Variants in STXBP5 observed in about 807,000 individuals in gnomAD.
The protein encoded by STXBP5 is syntaxin-binding protein 5.
A neutral mutation model predicts 152.4 loss-of-function variants in STXBP5; 50 were observed. That is an observed-to-expected ratio of 0.33 (90% CI 0.26 to 0.42). The LOEUF is 0.42. Ranked by LOEUF, STXBP5 falls within the 10% of genes least tolerant of loss-of-function variation. The pLI is 1.00. For synonymous variants in STXBP5, 492 were observed against 494.7 expected (o/e 0.99, Z 0.07); for missense variants, 1,167 against 1,388.6 (o/e 0.84, Z 2.54).
At chr6:147,348,698 T>C (rs1784450791) in intron 21 of STXBP5, among the ~76,000 whole-genome samples, 1 of 152,154 alleles carries the variant, frequency 6.6e-6, no homozygotes, top group African/African-American at 2.4e-5. Context: ...TAAAACTCTA[T>C]CCTAAGGAAA....
intron 15 of STXBP5, among the ~76,000 whole-genome samples, 195 bp downstream of exon 15, chr6:147,315,930 A>C (rs1782620469): frequency 6.6e-6 from 1 of 152,152 alleles, no homozygotes; most frequent in South Asian, 2.1e-4. Context: ...TAAATCCTTA[A>C]GTATAGGATA....
At chr6:147,255,287 G>C (rs2502732) in intron 4 of STXBP5, among the ~76,000 whole-genome samples, 79,455 of 151,944 alleles carry the variant, frequency 0.52, 21,331 homozygotes, top group East Asian at 0.72. Flanking sequence ...AAGTGAACAT[G>C]ATACGCTGAG....
At chr6:147,296,022 T>C (rs1162409166) in intron 9 of STXBP5, among the ~76,000 whole-genome samples, 2 of 151,978 alleles carry the variant, frequency 1.3e-5, no homozygotes, top group African/African-American at 4.8e-5. Context: ...CCAGGAACAG[T>C]TGTGGCTCTG....
intron 4 of STXBP5, among the ~76,000 whole-genome samples, chr6:147,259,276 A>T (rs773341883): frequency 5.1e-4 from 77 of 152,174 alleles, no homozygotes; most frequent in Non-Finnish European, 3.8e-4. Context: ...CAGTCATGTA[A>T]GTTAGTTTTA....
chr6:147,282,117 C>T (rs1439964238), intron 8 of STXBP5, among the ~76,000 whole-genome samples: 1 of 152,070 alleles, frequency 6.6e-6, no homozygotes, highest in Non-Finnish European at 1.5e-5. Context: ...ATATATGGCT[C>T]TAGGAAGTGT....
chr6:147,329,460 TCCC>T (rs960326175), intron 18 of STXBP5, among the ~76,000 whole-genome samples: 1 of 150,306 alleles, frequency 6.7e-6, no homozygotes, highest in Admixed American at 6.6e-5. Flanking sequence ...CTGACTCTGA[TCCC>T]CCCAAATTTA....
chr6:147,311,432 A>G, intron 10 of STXBP5, 23 bp from the exon 11 acceptor site: 1 of 1,601,816 alleles, frequency 6.2e-7, no homozygotes, highest in Non-Finnish European at 8.5e-7. Context: ...TGAAACTATA[A>G]TTCATGCATT....
chr6:147,285,685 A>G (rs1294731413), intron 8 of STXBP5, among the ~76,000 whole-genome samples: 3 of 152,136 alleles, frequency 2.0e-5, no homozygotes, highest in African/African-American at 7.2e-5. Context: ...GAGCAATATC[A>G]AGGGACTATT....
At position 147,288,287 on chromosome 6, in the gene STXBP5, A is replaced by G. The variant is rs560591895; in HGVS notation, c.839-2807A>G. On this transcript the variant is annotated intron_variant, in intron 8 of 27. Coordinates refer to ENST00000321680, the MANE Select transcript of STXBP5 (RefSeq NM_001127715.4). ...GAGTTCCAGGGAGCTGCAGGTTCAC[A>G]CAAAATGTTGATTGTGCTGTAGCAA... Among the ~76,000 whole-genome samples the G allele has an allele frequency of 1.2e-3, 177 of 152,306 alleles. 2 individuals carry two copies. The highest frequency in any genetic ancestry group is 1.3e-3 in the Non-Finnish European group (90 of 68,026).
intron 27 of STXBP5, among the ~76,000 whole-genome samples, chr6:147,384,502 T>C (rs1404971803): frequency 6.6e-6 from 1 of 152,170 alleles, no homozygotes; most frequent in Non-Finnish European, 1.5e-5. Flanking sequence ...CTAAGAAATC[T>C]GTGGAACTTC....
intron 26 of STXBP5, among the ~76,000 whole-genome samples, chr6:147,376,940 G>T (rs1019722691): frequency 3.3e-5 from 5 of 152,160 alleles, no homozygotes; most frequent in African/African-American, 9.6e-5. Context: ...GAATCAGCTG[G>T]TATAACTATA....
In STXBP5 at chr6:147,354,034, C is replaced by T. The variant is rs373399724; in HGVS notation, c.2305+661C>T. Among the ~76,000 whole-genome samples, 10 of 152,098 alleles carry T rather than the reference C, an allele frequency of 6.6e-5. No individual in the cohort carries two copies. The East Asian group carries it at 1.9e-3, about 29-fold the overall frequency. On this transcript the variant is annotated intron_variant, in intron 22 of 27. Coordinates refer to ENST00000321680, the MANE Select transcript of STXBP5 (RefSeq NM_001127715.4). The stretch of plus-strand genomic sequence containing the variant: ...ATAAAACATGGTATCTTTTTAAACT[C>T]ATTTTTTATTTAAGAAATTTCTGTT...
At chr6:147,310,004 C>A in intron 9 of STXBP5, 80 bp from the exon 10 acceptor site, 2 of 1,013,510 alleles carry the variant, frequency 2.0e-6, no homozygotes, top group Non-Finnish European at 2.7e-6. Flanking sequence ...TGTTATTTCA[C>A]TAAATTAAAA....
chr6:147,359,339 G>A lies in STXBP5; in HGVS notation c.2545+16G>A, dbSNP rs377085968. 1.2e-5 allele frequency: 20 copies of A among 1,604,038 alleles called. No homozygotes were observed. The highest frequency in any genetic ancestry group is 1.7e-5 in the Non-Finnish European group (20 of 1,172,476). ...TCTCCAAGTGGTATGTATTGCTGCT[G>A]CACTTAGAGTTACATTACAGGTGTG... On this transcript the variant is annotated intron_variant, in intron 23 of 27. Transcript: ENST00000321680.
chr6:147,243,719 A>G (rs1778660027), intron 4 of STXBP5, among the ~76,000 whole-genome samples: 1 of 152,106 alleles, frequency 6.6e-6, no homozygotes, highest in Non-Finnish European at 1.5e-5. Flanking sequence ...TGCATTTTAC[A>G]TTTAGATCTG....
intron 21 of STXBP5, among the ~76,000 whole-genome samples, chr6:147,345,190 CATTT>C (rs1177924549): frequency 1.3e-5 from 2 of 152,140 alleles, no homozygotes; most frequent in Non-Finnish European, 2.9e-5. Context: ...AGTTTTGGTT[CATTT>C]ATTCATTGCA....
At chr6:147,356,175 C>T (rs527527844) in intron 22 of STXBP5, among the ~76,000 whole-genome samples, 1 of 152,152 alleles carries the variant, frequency 6.6e-6, no homozygotes, top group Non-Finnish European at 1.5e-5. Flanking sequence ...AAACATTGCT[C>T]ATTTGACCTA....
chr6:147,384,150 A>G (rs1056471129), intron 27 of STXBP5, among the ~76,000 whole-genome samples: 1 of 152,156 alleles, frequency 6.6e-6, no homozygotes, highest in African/African-American at 2.4e-5. Context: ...ACATTGAGGT[A>G]GTTACAATCA....
intron 6 of STXBP5, among the ~76,000 whole-genome samples, chr6:147,263,342 C>CTTTTTTTTTTTTTTTTTTTT (rs1029110765): frequency 6.2e-5 from 8 of 128,822 alleles, no homozygotes; most frequent in South Asian, 5.0e-4. Flanking sequence ...TTCTTTCTTT[C>CTTTTTTTTTTTTTTTTTTTT]TTTTTTTTTT....
Sources: allele counts gnomAD v4.1 joint callset (sites outside exome capture counted in the v4.1 genomes callset), GRCh38; gene constraint gnomAD v4.1.1; transcripts MANE v1.5; gene names NCBI Gene and HGNC (gene_info 2026-07-23, HGNC 2026-07-21).